DLG2: variants seen among roughly 807,000 people sequenced by gnomAD.
DLG2 encodes the protein discs large MAGUK scaffold protein 2, also known as disks large homolog 2.
Under a neutral mutation model 132.5 loss-of-function variants are expected in DLG2, and 45 were observed. The ratio of observed to expected loss-of-function variants is 0.34; its 90% CI spans 0.27 to 0.44. The LOEUF (loss-of-function observed/expected upper bound fraction) is 0.44. Among genes scored for constraint, DLG2 ranks in the 20% least tolerant of loss-of-function variants. The probability of loss-of-function intolerance (pLI) is 1.00; values close to 1 mark genes in which losing one functional copy is unlikely to be tolerated. For synonymous variants in DLG2, 424 were observed against 419.6 expected (o/e 1.01, Z -0.13); for missense variants, 1,045 against 1,196.9 (o/e 0.87, Z 1.87).
At chr11:85,202,009 A>C (rs1395471967) in intron 4 of DLG2, among the ~76,000 whole-genome samples, 6 of 152,028 alleles carry the variant, frequency 3.9e-5, no homozygotes, top group Non-Finnish European at 7.4e-5. Flanking sequence ...AAGACAAACT[A>C]TTTAAAACAC....
intron 3 of DLG2, among the ~76,000 whole-genome samples, chr11:85,544,979 A>G (rs893079694): frequency 1.3e-5 from 2 of 152,096 alleles, no homozygotes; most frequent in African/African-American, 2.4e-5. Flanking sequence ...AATACCGTTT[A>G]TTTCTTTCTC....
intron 6 of DLG2, among the ~76,000 whole-genome samples, chr11:84,806,417 A>C (rs1488138367): frequency 6.6e-6 from 1 of 152,226 alleles, no homozygotes. Context: ...AAGATAAAAA[A>C]TTCATGAAAG....
intron 9 of DLG2, among the ~76,000 whole-genome samples, chr11:84,128,981 T>G (rs932507248): frequency 1.3e-5 from 2 of 152,138 alleles, no homozygotes; most frequent in African/African-American, 4.8e-5. Flanking sequence ...TATTTCAGCC[T>G]AATGATGCTG....
At chr11:83,586,146 T>G (rs888582563) in intron 19 of DLG2, among the ~76,000 whole-genome samples, 4 of 152,198 alleles carry the variant, frequency 2.6e-5, no homozygotes, top group African/African-American at 9.6e-5. Flanking sequence ...TCTGGATGGA[T>G]GCAAGCCCTC....
At chr11:85,001,536 G>A (rs1223635345) in intron 6 of DLG2, among the ~76,000 whole-genome samples, 1 of 152,148 alleles carries the variant, frequency 6.6e-6, no homozygotes, top group Non-Finnish European at 1.5e-5. Flanking sequence ...GAGTGACATG[G>A]ATGGTTTTCT....
intron 7 of DLG2, among the ~76,000 whole-genome samples, chr11:84,502,286 CTTTCTTTCTTTCTTTCTTTCTTTCTTTCT>C: frequency 3.4e-4 from 1 of 2,936 alleles, no homozygotes; most frequent in South Asian, 0.016. Flanking sequence ...TTCCTTCTTT[CTTTCTTTCTTTCTTTCTTTCTTTCTTTCT>C]TTCTTTCTTT....
At chr11:84,992,716 T>C (rs1238157415) in intron 6 of DLG2, among the ~76,000 whole-genome samples, 1 of 152,234 alleles carries the variant, frequency 6.6e-6, no homozygotes, top group African/African-American at 2.4e-5. Flanking sequence ...TCTGTTCATA[T>C]CATTTGCCCA....
chr11:84,309,366 G>A (rs1294483855), intron 7 of DLG2, among the ~76,000 whole-genome samples: 1 of 152,136 alleles, frequency 6.6e-6, no homozygotes, highest in African/African-American at 2.4e-5. Context: ...ATAATTATCT[G>A]ACAATAATGA....
At chr11:84,572,628 A>C (rs1041139213) in intron 6 of DLG2, among the ~76,000 whole-genome samples, 1 of 152,140 alleles carries the variant, frequency 6.6e-6, no homozygotes, top group Non-Finnish European at 1.5e-5. Context: ...AGGGGCCCTA[A>C]AAGATTCTGC....
At chr11:84,420,670 T>C (rs1175134694) in intron 7 of DLG2, among the ~76,000 whole-genome samples, 4 of 90,740 alleles carry the variant, frequency 4.4e-5, no homozygotes, top group South Asian at 4.4e-4. Flanking sequence ...TTTTTTTTTT[T>C]TTTTTTTTTT....
At chr11:84,078,619 G>A (rs1174264810) in intron 10 of DLG2, among the ~76,000 whole-genome samples, 1 of 152,108 alleles carries the variant, frequency 6.6e-6, no homozygotes, top group African/African-American at 2.4e-5. Flanking sequence ...TTCTTGGGCA[G>A]GTCAATTGAA....
intron 6 of DLG2, among the ~76,000 whole-genome samples, chr11:84,728,041 A>G (rs2062699763): frequency 6.6e-6 from 1 of 152,126 alleles, no homozygotes; most frequent in South Asian, 2.1e-4. Context: ...ATCTGCAGAC[A>G]CAATTTGACT....
intron 2 of DLG2, among the ~76,000 whole-genome samples, chr11:85,602,156 T>C (rs1565745206): frequency 6.6e-6 from 1 of 152,148 alleles, no homozygotes; most frequent in Non-Finnish European, 1.5e-5. Context: ...CCCTTCCAAT[T>C]ATTCAGACCC....
chr11:85,472,679 G>C (rs1400333113), intron 3 of DLG2, among the ~76,000 whole-genome samples: 1 of 152,144 alleles, frequency 6.6e-6, no homozygotes, highest in Non-Finnish European at 1.5e-5. Context: ...CTTAAATGTG[G>C]GAAAAGAATC....
At chr11:85,108,548 G>C (rs1053670009) in intron 6 of DLG2, among the ~76,000 whole-genome samples, 1 of 81,062 alleles carries the variant, frequency 1.2e-5, no homozygotes, top group Non-Finnish European at 2.3e-5. Context: ...AGAGTTAACC[G>C]CCCATTTTTT....
intron 4 of DLG2, among the ~76,000 whole-genome samples, chr11:85,183,396 A>C (rs1198188099): frequency 6.6e-6 from 1 of 151,916 alleles, no homozygotes; most frequent in Non-Finnish European, 1.5e-5. Flanking sequence ...AACAAACCCC[A>C]AAGTAGTTAT....
At chr11:83,776,915 T>C (rs1462088283) in intron 18 of DLG2, among the ~76,000 whole-genome samples, 1 of 152,202 alleles carries the variant, frequency 6.6e-6, no homozygotes, top group African/African-American at 2.4e-5. Context: ...TCTGAGTACA[T>C]TTGAGTACCT....
chr11:84,471,381 C>A (rs530091826), intron 7 of DLG2, among the ~76,000 whole-genome samples: 1 of 151,824 alleles, frequency 6.6e-6, no homozygotes, highest in African/African-American at 2.4e-5. Flanking sequence ...CTCCTGTAGC[C>A]CCCTCTGTCC....
At chr11:83,627,343 T>A (rs916899841) in intron 19 of DLG2, among the ~76,000 whole-genome samples, 5 of 152,108 alleles carry the variant, frequency 3.3e-5, no homozygotes, top group Middle Eastern at 3.2e-3. Flanking sequence ...TATCTCCTAA[T>A]GCTATCCCTC....
Sources: allele counts gnomAD v4.1 joint callset (sites outside exome capture counted in the v4.1 genomes callset), GRCh38; gene constraint gnomAD v4.1.1; transcripts MANE v1.5; gene names NCBI Gene and HGNC (gene_info 2026-07-23, HGNC 2026-07-21).